The following RNF144B variants were observed in gnomAD, a reference collection of about 807,000 sequenced individuals.
RNF144B encodes ring finger protein 144B.
Under a neutral mutation model 40.2 loss-of-function variants are expected in RNF144B, and 25 were observed. That is an observed-to-expected ratio of 0.62 (90% CI 0.45 to 0.87). The LOEUF (loss-of-function observed/expected upper bound fraction) is 0.87, where lower values mean the gene tolerates loss of function less well. RNF144B is among the 40% of genes least tolerant of loss of function. RNF144B has a pLI of 0.00. For missense variants in RNF144B, 365 were observed against 373.7 expected (o/e 0.98, Z 0.19); for synonymous variants, 145 against 136.3 (o/e 1.06, Z -0.44).
intron 2 of RNF144B, among the ~76,000 whole-genome samples, chr6:18,404,395 G>C (rs1794853525): frequency 6.6e-6 from 1 of 152,160 alleles, no homozygotes; most frequent in Non-Finnish European, 1.5e-5. Flanking sequence ...CTAGACTTTA[G>C]TTTCTTTGCC....
intron 2 of RNF144B, among the ~76,000 whole-genome samples, chr6:18,420,169 G>T (rs968027072): frequency 7.2e-5 from 8 of 111,788 alleles, no homozygotes; most frequent in Admixed American, 8.6e-5. Flanking sequence ...TTTTTTTTTT[G>T]ATTTTGGAAT....
In RNF144B at chr6:18,465,948, G is replaced by A. The variant is rs1273790152; in HGVS notation, c.*881G>A. The A allele has an allele frequency of 6.6e-6, 1 of 152,118 alleles. No individual in the cohort carries two copies. Among genetic ancestry groups the A allele is most frequent in the East Asian group, 1.9e-4 (1 of 5,198 alleles). 9.4% of individuals were successfully genotyped at this position (152,118 alleles called of 1,614,324 possible). ...CTGTGTTCACACAGCCAATAGATTT[G>A]GAATCAGGCCTAAGAGTACACATGG... On this transcript the variant is annotated 3_prime_UTR_variant, in exon 8 of 8. Transcript: ENST00000259939.
At chr6:18,388,925 A>G (rs1794524750) in intron 1 of RNF144B, among the ~76,000 whole-genome samples, 1 of 152,126 alleles carries the variant, frequency 6.6e-6, no homozygotes. Flanking sequence ...GTAAACATAT[A>G]TAGTGAACGT....
In RNF144B at chr6:18,453,977, A is replaced by G. The variant is rs148006914; in HGVS notation, c.332-3178A>G. ...CTCACAAGTCCAGAGGTAGGCTGTC[A>G]TGGGTTTTGGTTAATTTATTAGGTT... On this transcript the variant is annotated intron_variant, in intron 4 of 7. Transcript: ENST00000259939. 9.8e-5 allele frequency among the ~76,000 whole-genome samples: 15 copies of G among 152,316 alleles called. No homozygotes were observed. The East Asian group carries it at 2.3e-3, about 24-fold the overall frequency.
chr6:18,457,579 GT>G lies in RNF144B; in HGVS notation c.536+223del, dbSNP rs747271201. ...TCTTCCAGATATTGCTGGAATTAAA[GT>G]TTGTATGAGTTTTGCTTTCTCTTTA... On this transcript the variant is annotated intron_variant, in intron 5 of 7. Transcript: ENST00000259939. This position sits in a 1 kb window ranked among gnomAD's most constrained non-coding sequence, Gnocchi z 5.1. 3.3e-5 allele frequency among the ~76,000 whole-genome samples: 5 copies of G among 152,178 alleles called. No individual in the cohort carries two copies. Among genetic ancestry groups the G allele is most frequent in the Non-Finnish European group, 7.3e-5 (5 of 68,034 alleles).
rs1795142838 is a variant in RNF144B at position 18,416,003 on chromosome 6, G to A, written c.166-11578G>A. ...AATCCGTGGTATGCTTATTCTCACTGCCTGTGCTGGGTCTGTGTGCTAAGG... is the reference window on the plus strand; with the variant it reads ...AATCCGTGGTATGCTTATTCTCACTACCTGTGCTGGGTCTGTGTGCTAAGG... On this transcript the variant is annotated intron_variant, in intron 2 of 7. Coordinates refer to ENST00000259939, the MANE Select transcript of RNF144B (RefSeq NM_182757.4). This position sits in a 1 kb window ranked among gnomAD's most constrained non-coding sequence, Gnocchi z 5.5. Among the ~76,000 whole-genome samples the A allele has an allele frequency of 6.6e-6, 1 of 152,146 alleles. No homozygotes were observed. Among genetic ancestry groups the A allele is most frequent in the Admixed American group, 6.6e-5 (1 of 15,260 alleles).
At chr6:18,390,452 A>G (rs574945090) in intron 1 of RNF144B, among the ~76,000 whole-genome samples, 4 of 152,380 alleles carry the variant, frequency 2.6e-5, no homozygotes, top group Admixed American at 2.0e-4. Flanking sequence ...TGCTTCTGCA[A>G]CGTGGAATGA....
At chr6:18,424,109 C>T (rs1406262132) in intron 2 of RNF144B, among the ~76,000 whole-genome samples, 2 of 152,070 alleles carry the variant, frequency 1.3e-5, no homozygotes, top group African/African-American at 4.8e-5. Flanking sequence ...TGCCAGTTTT[C>T]CCCCCTAGAA....
chr6:18,462,014 T>C (rs1197787849), intron 6 of RNF144B, among the ~76,000 whole-genome samples: 2 of 152,214 alleles, frequency 1.3e-5, no homozygotes, highest in African/African-American at 4.8e-5. Flanking sequence ...GCTGTTCAGT[T>C]ATCTCTTTCC....
In RNF144B at chr6:18,427,636, C is replaced by T. The variant is rs764084758; in HGVS notation, c.221C>T (p.Thr74Ile). 1 of 1,613,780 alleles carries T rather than the reference C, an allele frequency of 6.2e-7. No individual in the cohort carries two copies. The highest frequency in any genetic ancestry group is 8.5e-7 in the Non-Finnish European group (1 of 1,179,794). The change falls in exon 3 of 8, where the codon ACT becomes ATT. Residue 74 changes from threonine to isoleucine, a missense_variant. Physicochemically the swap from Thr to Ile is moderately conservative, Grantham distance 89 (BLOSUM62 -1). Coordinates refer to ENST00000259939, the MANE Select transcript of RNF144B (RefSeq NM_182757.4). Reference sequence around the variant, plus strand: ...CGAGAAGGATGTGGGTCTCCCATCACTTGCCCTGACATGGTGTGCCTAAAC... The same window carrying T: ...CGAGAAGGATGTGGGTCTCCCATCATTTGCCCTGACATGGTGTGCCTAAAC... ...AIREGCGSPI[T>I]CPDMVCLNHG... is the part of the protein sequence containing the mutation.
chr6:18,417,879 A>G (rs757952063), intron 2 of RNF144B, among the ~76,000 whole-genome samples: 1 of 152,224 alleles, frequency 6.6e-6, no homozygotes, highest in Non-Finnish European at 1.5e-5. Context: ...CTTACAACTC[A>G]GTAATGAAAA....
chr6:18,450,309 T>G lies in RNF144B; in HGVS notation c.332-6846T>G, dbSNP rs1759183723. ...CTGATTTGTAGTGCTTGCCAGTTTTTTTTTTTTAGATGGAGTCTTGCTCTG... is the reference window on the plus strand; with the variant it reads ...CTGATTTGTAGTGCTTGCCAGTTTTGTTTTTTTAGATGGAGTCTTGCTCTG... On this transcript the variant is annotated intron_variant, in intron 4 of 7. Coordinates refer to ENST00000259939, the MANE Select transcript of RNF144B (RefSeq NM_182757.4). This position sits in a 1 kb window ranked among gnomAD's most constrained non-coding sequence, Gnocchi z 4.7. 6.6e-6 allele frequency among the ~76,000 whole-genome samples: 1 copy of G among 152,068 alleles called. No homozygotes were observed. Among genetic ancestry groups the G allele is most frequent in the Non-Finnish European group, 1.5e-5 (1 of 67,988 alleles).
chr6:18,421,359 C>T (rs1345585342), intron 2 of RNF144B, among the ~76,000 whole-genome samples: 1 of 150,392 alleles, frequency 6.6e-6, no homozygotes, highest in Non-Finnish European at 1.5e-5. Context: ...TGTAAGTTAA[C>T]ATTAATGTGA....
At chr6:18,429,791 C>T (rs1758651231) in intron 3 of RNF144B, among the ~76,000 whole-genome samples, 1 of 152,130 alleles carries the variant, frequency 6.6e-6, no homozygotes, top group Non-Finnish European at 1.5e-5. Context: ...ACTTGCTTCT[C>T]AGGTGTCTGA....
At chr6:18,396,686 A>G (rs934009138) in intron 1 of RNF144B, 10 of 985,324 alleles carry the variant, frequency 1.0e-5, no homozygotes, top group Non-Finnish European at 1.1e-5. Context: ...TTGCATAAGC[A>G]GTGAAGCAGC....
At chr6:18,415,369 C>T (rs528425055) in intron 2 of RNF144B, among the ~76,000 whole-genome samples, 6 of 152,212 alleles carry the variant, frequency 3.9e-5, no homozygotes, top group South Asian at 2.1e-4. Flanking sequence ...ATTGGTGTCC[C>T]GTGATGGCGG....
In RNF144B at chr6:18,406,062, A is replaced by G. The variant is rs371343964; in HGVS notation, c.165+6363A>G. 5.4e-4 allele frequency: 280 copies of G among 518,944 alleles called. 1 individual carries two copies. The highest frequency in any genetic ancestry group is 7.4e-4 in the Non-Finnish European group (191 of 259,830). 32.1% of individuals were successfully genotyped at this position (518,944 alleles called of 1,614,324 possible). A position where few individuals can be genotyped will look rare whatever the true frequency, so the allele number is the denominator to read the frequency against. On this transcript the variant is annotated intron_variant, in intron 2 of 7. Transcript: ENST00000259939. This position sits in a 1 kb window ranked among gnomAD's most constrained non-coding sequence, Gnocchi z 4.2. ...TGGTAGCTTAGGCTTTATTTATTCA[A>G]CAAATATTTGCTGTGTCTTGCATAG...
chr6:18,431,092 A>T (rs1343035471), intron 3 of RNF144B, among the ~76,000 whole-genome samples: 1 of 152,064 alleles, frequency 6.6e-6, no homozygotes, highest in Non-Finnish European at 1.5e-5. Context: ...AGACAAAAAA[A>T]TTAGCCAGGC....
chr6:18,404,615 G>A (rs377221135), intron 2 of RNF144B, among the ~76,000 whole-genome samples: 1 of 152,304 alleles, frequency 6.6e-6, no homozygotes, highest in African/African-American at 2.4e-5. Flanking sequence ...GAGATTAGCA[G>A]TTAGGATAGA....
Sources: gnomAD v4.1 joint callset for allele counts (sites outside exome capture counted in the v4.1 genomes callset) on GRCh38, gnomAD v4.1.1 for gene constraint, Gnocchi (gnomAD v3.1) non-coding constraint, MANE v1.5 for transcripts, NCBI Gene and HGNC (gene_info 2026-07-23, HGNC 2026-07-21) for gene names.